TBC1D19: variants seen among roughly 807,000 people sequenced by gnomAD.
TBC1D19 encodes TBC1 domain family member 19.
Under a neutral mutation model 89.0 loss-of-function variants are expected in TBC1D19, and 60 were observed. That is an observed-to-expected ratio of 0.67 (90% CI 0.55 to 0.84). The LOEUF is 0.84. Ranked by LOEUF, TBC1D19 falls within the 40% of genes least tolerant of loss-of-function variation. TBC1D19 has a pLI of 0.00. For synonymous variants in TBC1D19, 189 were observed against 199.7 expected, an observed-to-expected ratio of 0.95 and a Z score of 0.45; for missense variants, 500 against 610.8, an observed-to-expected ratio of 0.82 and a Z score of 1.91.
intron 13 of TBC1D19, among the ~76,000 whole-genome samples, chr4:26,691,496 C>T (rs1322023559): frequency 6.6e-6 from 1 of 152,174 alleles, no homozygotes; most frequent in Non-Finnish European, 1.5e-5. Flanking sequence ...CAGCAGCCAC[C>T]ACCCTGGATC....
chr4:26,627,880 C>T (rs1037406935), intron 4 of TBC1D19, among the ~76,000 whole-genome samples: 2 of 151,874 alleles, frequency 1.3e-5, no homozygotes, highest in African/African-American at 2.4e-5. Context: ...TGCAGAAGCT[C>T]TTTAGTTTAA....
intron 15 of TBC1D19, among the ~76,000 whole-genome samples, chr4:26,726,923 C>T (rs1471435286): frequency 3.3e-5 from 5 of 152,196 alleles, no homozygotes; most frequent in South Asian, 2.1e-4. Flanking sequence ...TTTTAGTTAA[C>T]GATGTTTGCC....
At chr4:26,802,398 T>C in the TBC1D19 span, among the ~76,000 whole-genome samples, 1 of 152,050 alleles carries the variant, frequency 6.6e-6, no homozygotes. Flanking sequence ...GTCAGGAGTT[T>C]GAGACCAGCC....
intron 13 of TBC1D19, among the ~76,000 whole-genome samples, chr4:26,716,674 T>C (rs1252246407): frequency 2.6e-5 from 4 of 152,144 alleles, no homozygotes; most frequent in African/African-American, 9.7e-5. Flanking sequence ...CATATAATCC[T>C]GTTTGGTTTG....
chr4:26,820,573 A>G, the TBC1D19 span, among the ~76,000 whole-genome samples: 1 of 152,332 alleles, frequency 6.6e-6, no homozygotes, highest in East Asian at 1.9e-4. Flanking sequence ...TAAATACCAC[A>G]TTTTAAAAAT....
At chr4:26,604,281 G>A (rs977538299) in intron 1 of TBC1D19, among the ~76,000 whole-genome samples, 1 of 150,290 alleles carries the variant, frequency 6.7e-6, no homozygotes, top group Non-Finnish European at 1.5e-5. Flanking sequence ...AGCCTCCCGA[G>A]TACTGGGACT....
chr4:26,697,399 C>G (rs1450996100), intron 13 of TBC1D19, among the ~76,000 whole-genome samples: 2 of 152,062 alleles, frequency 1.3e-5, no homozygotes, highest in Admixed American at 6.6e-5. Flanking sequence ...AAGTCCAGGA[C>G]CAGGGGGATT....
intron 13 of TBC1D19, among the ~76,000 whole-genome samples, chr4:26,699,806 T>C (rs988123198): frequency 6.9e-6 from 1 of 145,272 alleles, no homozygotes; most frequent in Non-Finnish European, 1.5e-5. Flanking sequence ...AGGTGGTAAT[T>C]GAACAATGAG....
At chr4:26,655,957 C>T (rs906042777) in intron 7 of TBC1D19, among the ~76,000 whole-genome samples, 2 of 152,140 alleles carry the variant, frequency 1.3e-5, no homozygotes, top group Non-Finnish European at 2.9e-5. Flanking sequence ...TCGTCTTCTG[C>T]GTCGCTCACG....
chr4:26,645,425 A>G (rs1321740157), intron 7 of TBC1D19, among the ~76,000 whole-genome samples: 3 of 152,226 alleles, frequency 2.0e-5, no homozygotes, highest in African/African-American at 7.2e-5. Context: ...TATTTAATAA[A>G]TGGTGCTGGG....
intron 1 of TBC1D19, among the ~76,000 whole-genome samples, chr4:26,596,788 T>A (rs1413726430): frequency 6.6e-6 from 1 of 152,170 alleles, no homozygotes; most frequent in African/African-American, 2.4e-5. Flanking sequence ...AGACATATTT[T>A]TATTATCCTT....
At chr4:26,743,479 A>G (rs1054790389) in intron 18 of TBC1D19, among the ~76,000 whole-genome samples, 3 of 152,080 alleles carry the variant, frequency 2.0e-5, no homozygotes, top group African/African-American at 7.2e-5. Flanking sequence ...TCTTTACGTT[A>G]AGATAATTCA....
intron 9 of TBC1D19, among the ~76,000 whole-genome samples, chr4:26,667,698 T>C (rs1304758865): frequency 6.6e-6 from 1 of 152,038 alleles, no homozygotes; most frequent in East Asian, 1.9e-4. Context: ...TATTCTGCTG[T>C]GGAGTATATA....
intron 15 of TBC1D19, among the ~76,000 whole-genome samples, chr4:26,722,602 A>G (rs1717050494): frequency 6.6e-6 from 1 of 152,154 alleles, no homozygotes; most frequent in South Asian, 2.1e-4. Context: ...AGCTAGTAAC[A>G]CTGTGCCCTT....
chr4:26,655,251 A>G (rs1744709152), intron 7 of TBC1D19, among the ~76,000 whole-genome samples: 1 of 152,144 alleles, frequency 6.6e-6, no homozygotes, highest in Non-Finnish European at 1.5e-5. Flanking sequence ...TCAGAGGAGT[A>G]CCCGGCCATG....
intron 13 of TBC1D19, among the ~76,000 whole-genome samples, chr4:26,704,932 T>C (rs1715620748): frequency 1.3e-5 from 2 of 152,160 alleles, no homozygotes; most frequent in African/African-American, 4.8e-5. Context: ...ACATGTTACT[T>C]TCTCTTTTTT....
chr4:26,847,954 A>C, the TBC1D19 span, among the ~76,000 whole-genome samples: 1 of 152,244 alleles, frequency 6.6e-6, no homozygotes, highest in Non-Finnish European at 1.5e-5. Flanking sequence ...GTTTTTGAGC[A>C]TGTGAATTTG....
intron 8 of TBC1D19, among the ~76,000 whole-genome samples, chr4:26,665,700 A>G (rs1477283653): frequency 6.6e-6 from 1 of 152,108 alleles, no homozygotes; most frequent in Non-Finnish European, 1.5e-5. Context: ...GCACAAATAC[A>G]GGATCATAAT....
chr4:26,696,372 T>G (rs563665376), intron 13 of TBC1D19, among the ~76,000 whole-genome samples: 1 of 152,012 alleles, frequency 6.6e-6, no homozygotes, highest in Non-Finnish European at 1.5e-5. Context: ...TCCTTAGAGA[T>G]CTACAAAGAG....
Sources: allele counts gnomAD v4.1 joint callset (sites outside exome capture counted in the v4.1 genomes callset), GRCh38; gene constraint gnomAD v4.1.1; transcripts MANE v1.5; gene names NCBI Gene and HGNC (gene_info 2026-07-23, HGNC 2026-07-21).